ADGRL3: variants seen among roughly 807,000 people sequenced by gnomAD.
ADGRL3 encodes adhesion G protein-coupled receptor L3.
In ADGRL3, 62 loss-of-function variants were observed where a neutral mutation model predicts 153.5. The observed-to-expected ratio is 0.40, with a 90% CI of 0.33 to 0.50. The LOEUF (loss-of-function observed/expected upper bound fraction) is 0.50. Ranked by LOEUF, ADGRL3 falls within the 20% of genes least tolerant of loss-of-function variation. The probability of loss-of-function intolerance (pLI) is 0.47; values close to 1 mark genes in which losing one functional copy is unlikely to be tolerated. For synonymous variants in ADGRL3, 710 were observed against 672.5 expected (o/e 1.06, Z -0.86); for missense variants, 1,641 against 1,859.4 (o/e 0.88, Z 2.16).
chr4:62,034,798 C>T (rs938187907), intron 23 of ADGRL3, among the ~76,000 whole-genome samples: 1 of 151,748 alleles, frequency 6.6e-6, no homozygotes, highest in Non-Finnish European at 1.5e-5. Context: ...AAACAGTTTT[C>T]CACTGGTCAC....
intron 2 of ADGRL3, among the ~76,000 whole-genome samples, chr4:61,403,364 G>A (rs1351738314): frequency 2.0e-5 from 3 of 151,984 alleles, no homozygotes; most frequent in African/African-American, 7.2e-5. Context: ...CTCCAGAAAT[G>A]GGAAAGGGCC....
chr4:62,005,771 AAT>A (rs2099155243), intron 21 of ADGRL3, among the ~76,000 whole-genome samples: 1 of 151,598 alleles, frequency 6.6e-6, no homozygotes, highest in Non-Finnish European at 1.5e-5. Flanking sequence ...GAATAGTTAC[AAT>A]AATTAACTTT....
At chr4:61,726,429 A>G (rs1200090154) in intron 6 of ADGRL3, among the ~76,000 whole-genome samples, 2 of 151,520 alleles carry the variant, frequency 1.3e-5, no homozygotes, top group Non-Finnish European at 2.9e-5. Context: ...GAACTCCCGA[A>G]CTCAGGTGAT....
rs79190162 is a variant in ADGRL3 at position 61,832,687 on chromosome 4, T to C, written c.1480+18798T>C. Among the ~76,000 whole-genome samples, 4 of 152,186 alleles carry C rather than the reference T, an allele frequency of 2.6e-5. No homozygotes were observed. In the South Asian group the frequency reaches 8.3e-4, roughly 32 times the overall value. On this transcript the variant is annotated intron_variant, in intron 9 of 26. Coordinates refer to ENST00000683033, the MANE Select transcript of ADGRL3 (RefSeq NM_001387552.1). The stretch of plus-strand genomic sequence containing the variant: ...GTATTTTTCTAACACCTTCACTGGA[T>C]TGACTATATCAAAAATCTAGCTTAA...
At chr4:61,612,941 T>G (rs974583402) in intron 5 of ADGRL3, among the ~76,000 whole-genome samples, 1 of 152,110 alleles carries the variant, frequency 6.6e-6, no homozygotes, top group African/African-American at 2.4e-5. Context: ...GAAGAAGAAA[T>G]CTTAGAGCTT....
intron 26 of ADGRL3, among the ~76,000 whole-genome samples, chr4:62,069,302 T>C (rs956922708): frequency 1.8e-4 from 28 of 152,126 alleles, no homozygotes; most frequent in Non-Finnish European, 2.9e-4. Context: ...AGGCACCAGA[T>C]ACCTGTGTCT....
intron 1 of ADGRL3, among the ~76,000 whole-genome samples, chr4:61,290,011 A>G (rs530738759): frequency 6.6e-6 from 1 of 152,268 alleles, no homozygotes; most frequent in South Asian, 2.1e-4. Context: ...TGGAAGAGAT[A>G]CTTAAACGTA....
intron 25 of ADGRL3, among the ~76,000 whole-genome samples, chr4:62,046,966 A>G (rs1488832809): frequency 6.6e-6 from 1 of 151,878 alleles, no homozygotes; most frequent in African/African-American, 2.4e-5. Flanking sequence ...AGGCGTGTGT[A>G]TCATATTTAG....
intron 5 of ADGRL3, among the ~76,000 whole-genome samples, chr4:61,620,558 A>G (rs1413357802): frequency 2.7e-5 from 4 of 150,172 alleles, no homozygotes; most frequent in Non-Finnish European, 5.9e-5. Context: ...TCTTTCCTTC[A>G]CTTCTTAAAG....
At chr4:61,398,278 T>G (rs1185422625) in intron 2 of ADGRL3, among the ~76,000 whole-genome samples, 1 of 151,784 alleles carries the variant, frequency 6.6e-6, no homozygotes, top group Non-Finnish European at 1.5e-5. Context: ...TTACTTTGAA[T>G]TTGGGTGAAT....
intron 9 of ADGRL3, among the ~76,000 whole-genome samples, chr4:61,834,131 GC>G (rs1365372494): frequency 1.3e-5 from 1 of 75,878 alleles, no homozygotes; most frequent in Non-Finnish European, 2.5e-5. Context: ...CCCACAACAG[GC>G]CCTGGTGTGT....
intron 1 of ADGRL3, among the ~76,000 whole-genome samples, chr4:61,372,771 C>A (rs1012197338): frequency 2.6e-5 from 4 of 152,144 alleles, no homozygotes; most frequent in Non-Finnish European, 5.9e-5. Flanking sequence ...TTCGAGCTTC[C>A]CGGCTGCTTT....
At chr4:61,301,768 T>C (rs112863289) in intron 1 of ADGRL3, among the ~76,000 whole-genome samples, 1 of 152,142 alleles carries the variant, frequency 6.6e-6, no homozygotes, top group East Asian at 1.9e-4. Flanking sequence ...AAATTTCAAT[T>C]TGTCCATGGA....
chr4:61,570,179 T>A (rs1231079253), intron 4 of ADGRL3, among the ~76,000 whole-genome samples: 1 of 152,138 alleles, frequency 6.6e-6, no homozygotes, highest in East Asian at 1.9e-4. Context: ...AAGCTTTTTG[T>A]ATTGCCTTAA....
intron 1 of ADGRL3, among the ~76,000 whole-genome samples, chr4:61,371,418 C>T (rs962036705): frequency 2.0e-5 from 3 of 151,878 alleles, no homozygotes; most frequent in Admixed American, 6.6e-5. Context: ...TCTTTTAGGG[C>T]AGGCCTGGTG....
chr4:61,291,296 A>T (rs951429961), intron 1 of ADGRL3, among the ~76,000 whole-genome samples: 1 of 151,714 alleles, frequency 6.6e-6, no homozygotes, highest in Non-Finnish European at 1.5e-5. Context: ...ATATTTGGGA[A>T]AAAAAATTGA....
chr4:61,500,190 G>A lies in ADGRL3; in HGVS notation c.55+2842G>A, dbSNP rs2098371179. Among the ~76,000 whole-genome samples, 3 of 152,148 alleles carry A rather than the reference G, an allele frequency of 2.0e-5. No homozygotes were observed. The South Asian group carries it at 6.2e-4, about 32-fold the overall frequency. On this transcript the variant is annotated intron_variant, in intron 3 of 26. Coordinates refer to ENST00000683033, the MANE Select transcript of ADGRL3 (RefSeq NM_001387552.1). ...AATAAAATAATCATTTCCATTTTAT[G>A]TGGACTATTCAATATTATCTTGAGT...
intron 1 of ADGRL3, among the ~76,000 whole-genome samples, chr4:61,257,045 C>A (rs2092037060): frequency 6.6e-6 from 1 of 152,062 alleles, no homozygotes; most frequent in Admixed American, 6.6e-5. Context: ...CAAAAGTATG[C>A]TGAAAAATCT....
At chr4:61,870,696 T>C (rs2098438519) in intron 9 of ADGRL3, among the ~76,000 whole-genome samples, 1 of 152,124 alleles carries the variant, frequency 6.6e-6, no homozygotes, top group South Asian at 2.1e-4. Context: ...ATAAAGGTGG[T>C]CAACATTATT....
Sources: gnomAD v4.1 joint callset for allele counts (sites outside exome capture counted in the v4.1 genomes callset) on GRCh38, gnomAD v4.1.1 for gene constraint, MANE v1.5 for transcripts, NCBI Gene and HGNC (gene_info 2026-07-23, HGNC 2026-07-21) for gene names.